The following DZIP1L variants were observed in gnomAD, a reference collection of about 807,000 sequenced individuals.
The protein encoded by DZIP1L is cilium assembly protein DZIP1L.
DZIP1L carries 90 observed loss-of-function variants against 88.7 expected under a neutral mutation model. That is an observed-to-expected ratio of 1.02 (90% confidence interval 0.86 to 1.21). DZIP1L has a LOEUF of 1.21. Among genes scored for constraint, DZIP1L ranks in the 50% most tolerant of loss-of-function variants. The pLI, the probability that DZIP1L is intolerant of heterozygous loss-of-function variation, is 0.00. For missense variants in DZIP1L, 932 were observed against 955.8 expected, an observed-to-expected ratio of 0.98 and a Z score of 0.33; for synonymous variants, 363 against 372.1, an observed-to-expected ratio of 0.98 and a Z score of 0.28.
At position 138,067,610 on chromosome 3, in the gene DZIP1L, C is replaced by T. The variant is rs751076036; in HGVS notation, c.1923G>A (p.Val641=). 1.2e-6 allele frequency: 2 copies of T among 1,612,050 alleles called. No homozygotes were observed. The highest frequency in any genetic ancestry group is 3.3e-5 in the Admixed American group (2 of 59,774). ...AGTCCCAGTCATCCTTGGGCCGGGG[C>T]ACCATCCTGGAAGGAACTTTTGGGG... ...LQPPKVPSRM[V]PRPKDDWDWS... is the part of the protein sequence containing the mutation. Residue 641 remains valine, a synonymous_variant, in exon 14 of 16, where the codon GTG becomes GTA. Coordinates refer to ENST00000327532, the MANE Select transcript of DZIP1L (RefSeq NM_173543.3).
chr3:138,102,203 C>G, intron 2 of DZIP1L: 1 of 1,379,178 alleles, frequency 7.3e-7, no homozygotes, highest in Non-Finnish European at 1.0e-6. Flanking sequence ...TGTCCGAGAT[C>G]TGGGACTGCA....
At position 138,112,666 on chromosome 3, in the gene DZIP1L, AC is replaced by A. The variant is rs1448385375; in HGVS notation, c.-82+2661del. 2.6e-5 allele frequency among the ~76,000 whole-genome samples: 4 copies of A among 152,144 alleles called. No individual in the cohort carries two copies. In the East Asian group the frequency reaches 7.7e-4, roughly 29 times the overall value. On this transcript the variant is annotated intron_variant, in intron 1 of 15. Transcript: ENST00000327532. ...ACAAGGAAGAAATGACTCACTGTCA[AC>A]CAGGAGCAGTGGCTCTCGCCTGTAA...
Position 138,106,127 on chromosome 3 carries a change from C to CTTTTTT in DZIP1L, c.-81-2081_-81-2076dup, listed in dbSNP as rs56146259. 3.0e-3 allele frequency among the ~76,000 whole-genome samples: 193 copies of CTTTTTT among 64,546 alleles called. 1 individual carries two copies. Among genetic ancestry groups the CTTTTTT allele is most frequent in the Middle Eastern group, 0.017 (1 of 58 alleles). 42.3% of individuals were successfully genotyped at this position (64,546 alleles called of 152,430 possible). On this transcript the variant is annotated intron_variant, in intron 1 of 15. Transcript: ENST00000327532. ...GAGATTACATGATTCAGTCTTCTTT[C>CTTTTTT]TTTTTTTTTTTTTTTTTTTTTTTTT...
chr3:138,096,342 TAATA>T (rs1944464811), intron 3 of DZIP1L, among the ~76,000 whole-genome samples: 2 of 152,200 alleles, frequency 1.3e-5, no homozygotes, highest in African/African-American at 2.4e-5. Context: ...ATGTGATTTA[TAATA>T]AATAAATGTT....
At chr3:138,070,994 A>T (rs1264785394) in intron 12 of DZIP1L, among the ~76,000 whole-genome samples, 1 of 152,212 alleles carries the variant, frequency 6.6e-6, no homozygotes, top group Admixed American at 6.5e-5. Flanking sequence ...TTCGTGTTCC[A>T]CCAGAACCAC....
At chr3:138,074,930 C>A (rs1036737582) in intron 11 of DZIP1L, among the ~76,000 whole-genome samples, 5 of 151,764 alleles carry the variant, frequency 3.3e-5, no homozygotes, top group African/African-American at 1.2e-4. Context: ...TTAGGACTCA[C>A]ACAAACTTAA....
chr3:138,092,211 T>G, intron 5 of DZIP1L, 172 bp downstream of exon 5: 1 of 642,268 alleles, frequency 1.6e-6, no homozygotes, highest in South Asian at 3.2e-5. Context: ...CAGCAGTGAT[T>G]CAACCCCAAG....
intron 5 of DZIP1L, among the ~76,000 whole-genome samples, chr3:138,090,095 G>C (rs1042346316): frequency 6.6e-6 from 1 of 151,930 alleles, no homozygotes; most frequent in Admixed American, 6.6e-5. Flanking sequence ...AACCGTGATT[G>C]TGCCACTGCA....
At chr3:138,112,829 C>G (rs2042639908) in intron 1 of DZIP1L, among the ~76,000 whole-genome samples, 1 of 152,144 alleles carries the variant, frequency 6.6e-6, no homozygotes, top group Non-Finnish European at 1.5e-5. Context: ...TGCCTGTAGT[C>G]CCAGCTACTC....
chr3:138,113,708 T>C (rs2042651688), intron 1 of DZIP1L, among the ~76,000 whole-genome samples: 1 of 151,834 alleles, frequency 6.6e-6, no homozygotes, highest in Non-Finnish European at 1.5e-5. Flanking sequence ...GATTCCATGG[T>C]GTTCTCCTTT....
chr3:138,083,000 C>T (rs1943735262), intron 8 of DZIP1L, among the ~76,000 whole-genome samples: 2 of 152,340 alleles, frequency 1.3e-5, no homozygotes, highest in Middle Eastern at 6.8e-3. Flanking sequence ...TGGCATACTA[C>T]TTCTGCTAAC....
intron 5 of DZIP1L, among the ~76,000 whole-genome samples, chr3:138,090,143 AAAAT>A (rs577330479): frequency 2.6e-5 from 4 of 152,068 alleles, no homozygotes; most frequent in Non-Finnish European, 5.9e-5. Context: ...CCATCTTAAA[AAAAT>A]AAATAAATAA....
chr3:138,085,928 T>TA (rs1202974512), intron 7 of DZIP1L, among the ~76,000 whole-genome samples: 1 of 152,064 alleles, frequency 6.6e-6, no homozygotes, highest in East Asian at 1.9e-4. Flanking sequence ...TATGCAGCCA[T>TA]AAAAAAGGAT....
intron 11 of DZIP1L, 71 bp from the exon 12 acceptor site, chr3:138,071,906 C>T (rs1943198778): frequency 4.2e-6 from 6 of 1,429,592 alleles, no homozygotes; most frequent in Admixed American, 2.2e-5. Flanking sequence ...GCCTCTCACA[C>T]CTGCTGCTGC....
intron 2 of DZIP1L, chr3:138,101,830 T>C: frequency 7.9e-7 from 1 of 1,261,896 alleles, no homozygotes. Context: ...CAGCTGCCGC[T>C]CCATGTCCTG....
At position 138,077,615 on chromosome 3, in the gene DZIP1L, C is replaced by T; in HGVS notation, c.1306G>A (p.Asp436Asn). The T allele has an allele frequency of 2.5e-6, 4 of 1,614,142 alleles. No individual in the cohort carries two copies. Among genetic ancestry groups the T allele is most frequent in the Non-Finnish European group, 3.4e-6 (4 of 1,180,016 alleles). Residue 436 changes from aspartate (D) to asparagine (N), a missense_variant, in exon 11 of 16, where the codon GAT becomes AAT. Transcript: ENST00000327532. ...SPEEEMEDSQ[D>N]EQHKVLAALR... is the part of the protein sequence containing the mutation. ...GCTGCCAGCACCTTGTGCTGTTCAT[C>T]CTGGGAGTCCTCCATCTCTGTAGCA...
At chr3:138,108,525 C>T (rs7622521) in intron 1 of DZIP1L, among the ~76,000 whole-genome samples, 15,746 of 152,042 alleles carry the variant, frequency 0.1, 1,616 homozygotes, top group African/African-American at 0.27. Flanking sequence ...TCTTTTATGA[C>T]AGGGTGTGCC....
At chr3:138,096,307 T>C (rs1333842985) in intron 3 of DZIP1L, among the ~76,000 whole-genome samples, 1 of 152,166 alleles carries the variant, frequency 6.6e-6, no homozygotes, top group Non-Finnish European at 1.5e-5. Context: ...TGCTCAAAGA[T>C]CTACATGCAA....
intron 5 of DZIP1L, among the ~76,000 whole-genome samples, chr3:138,090,151 T>A (rs1264669682): frequency 6.6e-6 from 1 of 150,618 alleles, no homozygotes; most frequent in Non-Finnish European, 1.5e-5. Flanking sequence ...AAAAAATAAA[T>A]AAATAAATAA....
Sources: allele counts gnomAD v4.1 joint callset (sites outside exome capture counted in the v4.1 genomes callset), GRCh38; gene constraint gnomAD v4.1.1; transcripts MANE v1.5; gene names NCBI Gene and HGNC (gene_info 2026-07-23, HGNC 2026-07-21).